Variants in DMD observed in about 807,000 individuals in gnomAD.
The protein encoded by DMD is mutant dystrophin.
Under a neutral mutation model 330.1 loss-of-function variants are expected in DMD, and 63 were observed. The ratio of observed to expected loss-of-function variants is 0.19; its 90% CI spans 0.16 to 0.24. The LOEUF (loss-of-function observed/expected upper bound fraction) is 0.24. Ranked by LOEUF, DMD falls within the 10% of genes least tolerant of loss-of-function variation. The pLI is 1.00. For synonymous variants in DMD, 1,223 were observed against 959.8 expected, an observed-to-expected ratio of 1.27 and a Z score of -5.07; for missense variants, 3,344 against 2,684.1, an observed-to-expected ratio of 1.25 and a Z score of -5.43.
chrX:31,233,487 AT>A (rs34713210), intron 63 of DMD, among the ~76,000 whole-genome samples: 12,565 of 106,481 alleles, frequency 0.12, 988 homozygotes, highest in African/African-American at 0.28. Context: ...AAATTCACAG[AT>A]TTTTTTTTTT....
intron 60 of DMD, among the ~76,000 whole-genome samples, chrX:31,380,600 G>A (rs1424901746): frequency 1.8e-5 from 2 of 111,191 alleles, no homozygotes; most frequent in Non-Finnish European, 3.8e-5. Context: ...CATTTTACCT[G>A]TCCTAAAAGC....
intron 57 of DMD, among the ~76,000 whole-genome samples, chrX:31,495,001 A>C (rs1172190999): frequency 8.9e-6 from 1 of 112,009 alleles, no homozygotes; most frequent in Non-Finnish European, 1.9e-5. Context: ...CTATATGTAC[A>C]CCAGAGTGTT....
chrX:32,734,933 G>A (rs1392097869), intron 7 of DMD, among the ~76,000 whole-genome samples: 2 of 107,246 alleles, frequency 1.9e-5, no homozygotes, highest in Non-Finnish European at 3.8e-5. Flanking sequence ...GGCAGGAGAA[G>A]GAAATAAAGG....
At chrX:32,222,878 G>C (rs774583253) in intron 43 of DMD, among the ~76,000 whole-genome samples, 1 of 111,617 alleles carries the variant, frequency 9.0e-6, no homozygotes, top group Non-Finnish European at 1.9e-5. Flanking sequence ...ATCCATGGTT[G>C]GCCATGCCTA....
intron 57 of DMD, among the ~76,000 whole-genome samples, chrX:31,483,040 CTTTTTTTTTTT>C (rs375059694): frequency 1.4e-5 from 1 of 70,738 alleles, no homozygotes; most frequent in Non-Finnish European, 2.7e-5. Context: ...GGAAATGGAT[CTTTTTTTTTTT>C]TTTTTTTTTT....
intron 55 of DMD, among the ~76,000 whole-genome samples, chrX:31,552,999 G>A (rs2074581581): frequency 9.0e-6 from 1 of 111,642 alleles, no homozygotes; most frequent in Admixed American, 9.5e-5. Flanking sequence ...TCTGAAAAAG[G>A]CTTGGGGAAA....
At chrX:32,179,152 G>A (rs1338546515) in intron 44 of DMD, among the ~76,000 whole-genome samples, 1 of 110,873 alleles carries the variant, frequency 9.0e-6, no homozygotes, top group Non-Finnish European at 1.9e-5. Flanking sequence ...TACAAGCCAG[G>A]CGCTACATCT....
chrX:31,360,710 TG>T (rs11316731), intron 60 of DMD, among the ~76,000 whole-genome samples: 1,537 of 112,054 alleles, frequency 0.014, 19 homozygotes, highest in African/African-American at 0.047. Flanking sequence ...CATAGTTTGA[TG>T]TAATAGCAAA....
In DMD at chrX:32,400,705, A is replaced by G. The variant is rs1182284965; in HGVS notation, c.4234-10524T>C. Among the ~76,000 whole-genome samples the G allele has an allele frequency of 2.7e-5, 3 of 109,243 alleles. No homozygotes were observed. In the Admixed American group the frequency reaches 2.9e-4, roughly 11 times the overall value. The allele number at this position is 109,243 out of a possible 115,157, so 94.9% of individuals were successfully genotyped here. A position where few individuals can be genotyped will look rare whatever the true frequency, so the allele number is the denominator to read the frequency against. ...AACAGGTGCTGGAGAGGATGTGGAGAAATAGGAACACTTTTACACTGTTGG... is the reference window on the plus strand; with the variant it reads ...AACAGGTGCTGGAGAGGATGTGGAGGAATAGGAACACTTTTACACTGTTGG... On this transcript the variant is annotated intron_variant, in intron 30 of 78. Transcript: ENST00000357033.
chrX:33,198,105 T>C (rs2051057848), intron 1 of DMD, among the ~76,000 whole-genome samples: 1 of 111,612 alleles, frequency 9.0e-6, no homozygotes, highest in South Asian at 3.7e-4. Flanking sequence ...TTTCTTTTTT[T>C]AATTTTAGCC....
At chrX:32,269,386 C>A (rs2097357172) in intron 43 of DMD, among the ~76,000 whole-genome samples, 1 of 111,717 alleles carries the variant, frequency 9.0e-6, no homozygotes, top group Non-Finnish European at 1.9e-5. Context: ...CCACTTGGCC[C>A]CCTTCCAGAT....
At chrX:32,831,115 T>G (rs1221125208) in intron 4 of DMD, among the ~76,000 whole-genome samples, 1 of 110,757 alleles carries the variant, frequency 9.0e-6, no homozygotes, top group Non-Finnish European at 1.9e-5. Flanking sequence ...AGGGAGCATT[T>G]ACTTCCAGGT....
intron 17 of DMD, among the ~76,000 whole-genome samples, chrX:32,532,645 T>C (rs1454430662): frequency 4.4e-5 from 5 of 112,717 alleles, no homozygotes; most frequent in African/African-American, 1.3e-4. Flanking sequence ...AGAAGCCATA[T>C]ACATATTAGC....
chrX:33,211,426 A>T lies in DMD; in HGVS notation c.-114T>A. On this transcript the variant is annotated 5_prime_UTR_variant, in exon 1 of 79. Coordinates refer to ENST00000357033, the MANE Select transcript of DMD (RefSeq NM_004006.3). The stretch of plus-strand genomic sequence containing the variant: ...GAAACCAACAAACTTCAGCAGCTTT[A>T]AAAAAAGTAACACTTCAGTTTTTCC... 8 of 1,149,803 alleles carry T rather than the reference A, an allele frequency of 7.0e-6. No individual in the cohort carries two copies. The highest frequency in any genetic ancestry group is 5.4e-5 in the Admixed American group (2 of 37,298). The allele number at this position is 1,149,803 out of a possible 1,213,427, so 94.8% of individuals were successfully genotyped here. A position where few individuals can be genotyped will look rare whatever the true frequency, so the allele number is the denominator to read the frequency against.
chrX:32,940,152 A>T (rs1179388138), intron 2 of DMD, among the ~76,000 whole-genome samples: 1 of 112,153 alleles, frequency 8.9e-6, no homozygotes, highest in Admixed American at 9.5e-5. Flanking sequence ...CCGAATCAGC[A>T]TGGTATAACG....
chrX:31,728,055 C>T (rs1234476391), intron 52 of DMD, among the ~76,000 whole-genome samples: 1 of 112,703 alleles, frequency 8.9e-6, no homozygotes, highest in African/African-American at 3.2e-5. Context: ...CGCAGTCTCG[C>T]TCTGTCGCCC....
chrX:32,066,922 C>T (rs1603623849), intron 44 of DMD, among the ~76,000 whole-genome samples: 1 of 110,970 alleles, frequency 9.0e-6, no homozygotes, highest in Non-Finnish European at 1.9e-5. Context: ...TAAATTCATA[C>T]AAATCACCTA....
In DMD at chrX:31,917,848, C is replaced by T. The variant is rs754361945; in HGVS notation, c.6912+11748G>A. On this transcript the variant is annotated intron_variant, in intron 47 of 78. Coordinates refer to ENST00000357033, the MANE Select transcript of DMD (RefSeq NM_004006.3). ...ATGCCATTCTATCGCAGGGCACAGT[C>T]GTAGACACATAAACACTCACATGGG... is the stretch of plus-strand genomic sequence containing the variant. 5.3e-5 allele frequency among the ~76,000 whole-genome samples: 6 copies of T among 112,266 alleles called. No individual in the cohort carries two copies. The South Asian group carries it at 1.5e-3, about 28-fold the overall frequency.
intron 7 of DMD, among the ~76,000 whole-genome samples, chrX:32,724,460 G>C (rs1288817700): frequency 2.7e-5 from 3 of 111,559 alleles, no homozygotes; most frequent in African/African-American, 6.5e-5. Context: ...TATGTATTTT[G>C]TCTAGGCCCT....
Sources: allele counts gnomAD v4.1 joint callset (sites outside exome capture counted in the v4.1 genomes callset), GRCh38; gene constraint gnomAD v4.1.1; transcripts MANE v1.5; gene names NCBI Gene and HGNC (gene_info 2026-07-23, HGNC 2026-07-21).